The following CBLB variants were observed in gnomAD, a reference collection of about 807,000 sequenced individuals.
CBLB encodes Cbl proto-oncogene B.
CBLB carries 31 observed loss-of-function variants against 104.9 expected under a neutral mutation model. That is an observed-to-expected ratio of 0.30 (90% CI 0.22 to 0.40). The LOEUF is 0.40. Among genes scored for constraint, CBLB ranks in the 10% least tolerant of loss-of-function variants. The probability of loss-of-function intolerance (pLI) is 1.00; values close to 1 mark genes in which losing one functional copy is unlikely to be tolerated. For synonymous variants in CBLB, 440 were observed against 422.6 expected, an observed-to-expected ratio of 1.04 and a Z score of -0.51; for missense variants, 1,062 against 1,214.6, an observed-to-expected ratio of 0.87 and a Z score of 1.87.
intron 3 of CBLB, among the ~76,000 whole-genome samples, chr3:105,801,994 T>C (rs557683208): frequency 1.3e-4 from 20 of 152,276 alleles, no homozygotes; most frequent in African/African-American, 1.9e-4. Flanking sequence ...TGAAAGTATA[T>C]ATACATTTAA....
At chr3:105,752,758 C>T (rs1035923554) in intron 4 of CBLB, among the ~76,000 whole-genome samples, 7 of 152,162 alleles carry the variant, frequency 4.6e-5, no homozygotes, top group Non-Finnish European at 1.0e-4. Context: ...CAAACTTCAG[C>T]ATGCATCCAA....
At chr3:105,869,447 G>A, upstream of CBLB, 1 of 1,295,928 alleles carries the variant, frequency 7.7e-7, no homozygotes, top group Non-Finnish European at 1.0e-6. Context: ...TTGTTTCATA[G>A]CAACAGAGTA....
chr3:105,756,921 C>G (rs2077134625), intron 4 of CBLB, among the ~76,000 whole-genome samples: 1 of 152,144 alleles, frequency 6.6e-6, no homozygotes, highest in Non-Finnish European at 1.5e-5. Context: ...AGCACCATCT[C>G]CTTGGTGCCA....
intron 3 of CBLB, among the ~76,000 whole-genome samples, chr3:105,842,620 G>C (rs1371562045): frequency 6.6e-6 from 1 of 152,210 alleles, no homozygotes; most frequent in Non-Finnish European, 1.5e-5. Context: ...TAGGTGGTAA[G>C]GTACTGGGAC....
At chr3:105,665,408 A>ATAT (rs1553700056) in intron 18 of CBLB, among the ~76,000 whole-genome samples, 2,529 of 49,962 alleles carry the variant, frequency 0.051, 31 homozygotes, top group Middle Eastern at 0.098. Context: ...TAAATAAATA[A>ATAT]ATAAATAAAT....
In CBLB at chr3:105,780,653, G is replaced by GTTGTTTTT. The variant is rs1553788919; in HGVS notation, c.420-4112_420-4111insAAAAACAA. ...TAAATAATTTTACAATAAAAGTTTT[G>GTTGTTTTT]TTTTTTGTTTTTTTTTTTTTTTTTT... On this transcript the variant is annotated intron_variant, in intron 3 of 18. Transcript: ENST00000394030. 9.2e-4 allele frequency among the ~76,000 whole-genome samples: 78 copies of GTTGTTTTT among 84,690 alleles called. No individual in the cohort carries two copies. The East Asian group carries it at 0.015, about 17-fold the overall frequency. 55.6% of individuals were successfully genotyped at this position (84,690 alleles called of 152,430 possible).
At chr3:105,662,263 T>A (rs998025016) in intron 18 of CBLB, among the ~76,000 whole-genome samples, 2 of 152,206 alleles carry the variant, frequency 1.3e-5, no homozygotes, top group African/African-American at 2.4e-5. Context: ...TCATTTACTT[T>A]AGCACTTTCG....
At chr3:105,702,031 G>T in intron 12 of CBLB, 63 bp downstream of exon 12, 4 of 1,584,862 alleles carry the variant, frequency 2.5e-6, no homozygotes, top group South Asian at 1.1e-5. Flanking sequence ...AACCTTTTAT[G>T]CTACTGACCA....
Position 105,791,583 on chromosome 3 carries a change from A to G in CBLB, c.420-15041T>C, listed in dbSNP as rs553884287. On this transcript the variant is annotated intron_variant, in intron 3 of 18. Transcript: ENST00000394030. Reference sequence around the variant, plus strand: ...AAAGAGACTCCTAGCAGCTCTCAAGAATAAATCCCACTTGATTCTATGGAC... The same window carrying G: ...AAAGAGACTCCTAGCAGCTCTCAAGGATAAATCCCACTTGATTCTATGGAC... Among the ~76,000 whole-genome samples, 3 of 152,330 alleles carry G rather than the reference A, an allele frequency of 2.0e-5. No individual in the cohort carries two copies. In the East Asian group the frequency reaches 5.8e-4, roughly 29 times the overall value.
chr3:105,867,033 T>C (rs1436388816), intron 2 of CBLB, among the ~76,000 whole-genome samples: 1 of 152,180 alleles, frequency 6.6e-6, no homozygotes, highest in Non-Finnish European at 1.5e-5. Flanking sequence ...TTGTCATGAG[T>C]GGTCAAAGAC....
At chr3:105,843,759 T>C (rs1354873028) in intron 3 of CBLB, among the ~76,000 whole-genome samples, 2 of 152,136 alleles carry the variant, frequency 1.3e-5, no homozygotes, top group Non-Finnish European at 2.9e-5. Context: ...GCTACAGACC[T>C]TTACAAAAAA....
chr3:105,825,225 T>C (rs2086412766), intron 3 of CBLB, among the ~76,000 whole-genome samples: 1 of 152,168 alleles, frequency 6.6e-6, no homozygotes, highest in South Asian at 2.1e-4. Flanking sequence ...AATCATGTCA[T>C]GGTTCTTCAG....
intron 9 of CBLB, among the ~76,000 whole-genome samples, chr3:105,727,846 T>C (rs1033728525): frequency 6.6e-6 from 1 of 152,164 alleles, no homozygotes; most frequent in Non-Finnish European, 1.5e-5. Flanking sequence ...AAAGATCAGA[T>C]GGTTGTAGAT....
chr3:105,795,926 T>C (rs1342482696), intron 3 of CBLB, among the ~76,000 whole-genome samples: 1 of 150,356 alleles, frequency 6.7e-6, no homozygotes, highest in Non-Finnish European at 1.5e-5. Flanking sequence ...GTATTTTTAG[T>C]AGAGACAGGC....
chr3:105,767,562 C>CTT (rs34794014), intron 4 of CBLB, among the ~76,000 whole-genome samples: 32,084 of 141,116 alleles, frequency 0.23, 3,832 homozygotes, highest in Non-Finnish European at 0.27. Flanking sequence ...CTTTTTCTTT[C>CTT]TTTTTTTTTT....
At chr3:105,780,438 C>G (rs1197577575) in intron 3 of CBLB, among the ~76,000 whole-genome samples, 1 of 151,964 alleles carries the variant, frequency 6.6e-6, no homozygotes, top group Non-Finnish European at 1.5e-5. Context: ...CCCCAAACAA[C>G]TAACTAAATA....
At chr3:105,796,173 A>G (rs1407666565) in intron 3 of CBLB, among the ~76,000 whole-genome samples, 2 of 152,230 alleles carry the variant, frequency 1.3e-5, no homozygotes, top group African/African-American at 2.4e-5. Flanking sequence ...TAGAGACATC[A>G]CAATACCTGA....
At chr3:105,794,599 C>G (rs1467174140) in intron 3 of CBLB, among the ~76,000 whole-genome samples, 1 of 152,128 alleles carries the variant, frequency 6.6e-6, no homozygotes, top group African/African-American at 2.4e-5. Context: ...CAACTAGGGG[C>G]TAGAATTGAG....
intron 3 of CBLB, among the ~76,000 whole-genome samples, chr3:105,786,010 T>A (rs867628418): frequency 7.7e-6 from 1 of 130,130 alleles, no homozygotes; most frequent in Non-Finnish European, 1.6e-5. Flanking sequence ...ATGGGAGACA[T>A]TGCAGTGAGT....
Sources: gnomAD v4.1 joint callset for allele counts (sites outside exome capture counted in the v4.1 genomes callset) on GRCh38, gnomAD v4.1.1 for gene constraint, MANE v1.5 for transcripts, NCBI Gene and HGNC (gene_info 2026-07-23, HGNC 2026-07-21) for gene names.